Variants in RPAIN observed in about 807,000 individuals in gnomAD.
RPAIN encodes the protein RPA interacting protein, also known as RPA-interacting protein.
A neutral mutation model predicts 30.5 loss-of-function variants in RPAIN; 29 were observed. The observed-to-expected ratio is 0.95, with a 90% CI of 0.71 to 1.30. RPAIN has a LOEUF of 1.30. Ranked by LOEUF, RPAIN falls within the 50% of genes most tolerant of loss-of-function variation. RPAIN has a pLI of 0.00. For missense variants in RPAIN, 247 were observed against 264.7 expected, an observed-to-expected ratio of 0.93 and a Z score of 0.46; for synonymous variants, 101 against 93.5, an observed-to-expected ratio of 1.08 and a Z score of -0.46.
intron 5 of RPAIN, chr17:5,426,639 A>ATT (rs35657465): frequency 0.026 from 3,891 of 148,936 alleles, 69 homozygotes; most frequent in Middle Eastern, 0.041. Context: ...AGCTTCAGTA[A>ATT]TTTTTTTTTT....
At chr17:5,429,527 T>C (rs144549257) in intron 6 of RPAIN, 13,527 of 985,370 alleles carry the variant, frequency 0.014, 99 homozygotes, top group South Asian at 0.017. Context: ...CCCAGGTCTT[T>C]GTGGTTCCAG....
At position 5,432,543 on chromosome 17, in the gene RPAIN, C is replaced by T; in HGVS notation, c.632C>T (p.Ala211Val). ...AATTATTTTCCTGTTTAAACCTAGG[C>T]CTGTGATACTTGGGCTGTGATCCTC... ...EKSSLLMSCL[A>V]CDTWAVIL Residue 211 changes from alanine (A) to valine (V), a missense_variant and splice_region_variant, in exon 7 of 7, where the codon GCC becomes GTC. Transcript: ENST00000381209. 1 of 1,613,590 alleles carries T rather than the reference C, an allele frequency of 6.2e-7. No homozygotes were observed. Among genetic ancestry groups the T allele is most frequent in the Non-Finnish European group, 8.5e-7 (1 of 1,179,516 alleles).
chr17:5,420,263 CG>C lies in RPAIN; in HGVS notation c.54del (p.Pro19ArgfsTer15). On this transcript the variant is annotated frameshift_variant, in exon 1 of 7. Transcript: ENST00000381209. LOFTEE classifies it high-confidence loss of function. ...PRRSLYKLVGSPPWKEAFRQR... is the reference protein window; with the variant it reads ...PRRSLYKLVGXPPWKEAFRQR... ...CGCTCCCTGTACAAACTGGTGGGCT[CG>C]CCGCCTTGGAAAGAGGCTTTCCGGC... 6.2e-7 allele frequency: 1 copy of C among 1,613,590 alleles called. No individual in the cohort carries two copies. Among genetic ancestry groups the C allele is most frequent in the Non-Finnish European group, 8.5e-7 (1 of 1,179,928 alleles).
Position 5,422,775 on chromosome 17 carries a change from G to T in RPAIN, c.259G>T (p.Glu87Ter), listed in dbSNP as rs755295886. 6.2e-7 allele frequency: 1 copy of T among 1,613,282 alleles called. No homozygotes were observed. Among genetic ancestry groups the T allele is most frequent in the South Asian group, 1.1e-5 (1 of 90,996 alleles). ...NCPEDLAQLE[E>*]LIDMAVLEEI... is the part of the protein sequence containing the mutation. ...CCGCTCCTTTCTCTTCCAGCTGGAGGAGCTGATAGACATGGCTGTGCTGGA... is the reference window on the plus strand; with the variant it reads ...CCGCTCCTTTCTCTTCCAGCTGGAGTAGCTGATAGACATGGCTGTGCTGGA... Residue 87 changes from glutamate (E) to a stop codon, truncating the protein, a stop_gained, in exon 3 of 7, where the codon GAG becomes TAG. Coordinates refer to ENST00000381209, the MANE Select transcript of RPAIN (RefSeq NM_001033002.4). LOFTEE classifies it high-confidence loss of function.
At chr17:5,425,339 C>CTCT (rs1915273660) in intron 3 of RPAIN, 3 of 424,838 alleles carry the variant, frequency 7.1e-6, no homozygotes, top group South Asian at 1.7e-5. Context: ...TCAGTTCTCT[C>CTCT]TTTTTTTTTT....
At chr17:5,427,931 G>A (rs1447854183) in intron 5 of RPAIN, 140 bp from the exon 6 acceptor site, 10 of 773,506 alleles carry the variant, frequency 1.3e-5, no homozygotes, top group Non-Finnish European at 2.0e-5. Context: ...GTACAGTCAT[G>A]GGCCCGAGTG....
chr17:5,431,699 G>T (rs188794156), intron 6 of RPAIN: 1 of 453,328 alleles, frequency 2.2e-6, no homozygotes, highest in East Asian at 7.0e-5. Flanking sequence ...GAAAGATAGG[G>T]GTGGGTTACA....
At chr17:5,423,200 C>G (rs1915044568) in intron 3 of RPAIN, 1 of 174,766 alleles carries the variant, frequency 5.7e-6, no homozygotes, top group East Asian at 1.7e-4. Context: ...TTCTACCATC[C>G]TGCCTCTCTA....
chr17:5,420,381 CA>C, intron 1 of RPAIN, 90 bp downstream of exon 1: 1 of 1,133,242 alleles, frequency 8.8e-7, no homozygotes, highest in Non-Finnish European at 1.3e-6. Context: ...CTCCGTGGAG[CA>C]GGTGCCGCAG....
At chr17:5,431,600 T>C (rs748271648) in intron 6 of RPAIN, 1 of 456,560 alleles carries the variant, frequency 2.2e-6, no homozygotes, top group South Asian at 1.5e-5. Flanking sequence ...CCTTTGGTTT[T>C]CACTTAAGGG....
rs1352099335 is a variant in RPAIN at position 5,420,296 on chromosome 17, G to A, written c.81+5G>A. ...TGGAAAGAGGCTTTCCGGCAGGTGG[G>A]TATGGGGTTTGTGCAGTGGTCTACC... On this transcript the variant is annotated splice_donor_5th_base_variant and intron_variant, in intron 1 of 6. Coordinates refer to ENST00000381209, the MANE Select transcript of RPAIN (RefSeq NM_001033002.4). The A allele has an allele frequency of 6.2e-7, 1 of 1,613,168 alleles. No individual in the cohort carries two copies. Among genetic ancestry groups the A allele is most frequent in the Admixed American group, 1.7e-5 (1 of 59,996 alleles).
intron 2 of RPAIN, among the ~76,000 whole-genome samples, chr17:5,422,498 G>A (rs1168648026): frequency 1.3e-5 from 2 of 152,136 alleles, no homozygotes; most frequent in African/African-American, 2.4e-5. Flanking sequence ...ATGTGGTTAC[G>A]TAGCCTTGGA....
At chr17:5,422,089 A>C (rs1914918614) in intron 2 of RPAIN, among the ~76,000 whole-genome samples, 1 of 152,154 alleles carries the variant, frequency 6.6e-6, no homozygotes, top group Non-Finnish European at 1.5e-5. Context: ...TTCTAATCTC[A>C]GCCAACGTTG....
At position 5,429,037 on chromosome 17, in the gene RPAIN, G is replaced by T. The variant is rs1032048301; in HGVS notation, c.630+826G>T. 1.5e-5 allele frequency: 15 copies of T among 981,630 alleles called. No individual in the cohort carries two copies. The African/African-American group carries it at 2.6e-4, about 17-fold the overall frequency. The allele number at this position is 981,630 out of a possible 1,614,324, so 60.8% of individuals were successfully genotyped here. ...CACCTTTATCAAGTTTCTTCCATAG[G>T]TATTCTACTCATTCATTAAAAAAAA... On this transcript the variant is annotated intron_variant, in intron 6 of 6. Transcript: ENST00000381209.
chr17:5,429,054 TAA>T, intron 6 of RPAIN: 1 of 821,688 alleles, frequency 1.2e-6, no homozygotes, highest in Non-Finnish European at 1.5e-6. Flanking sequence ...ACTCATTCAT[TAA>T]AAAAAAAATG....
chr17:5,421,321 G>T lies in RPAIN; in HGVS notation c.107G>T (p.Ser36Ile), dbSNP rs766384976. ...AGATGCCTGGAGAGAATGAGAAACAGCCGGGACAGGCTCCTAAACAGGTAC... is the reference window on the plus strand; with the variant it reads ...AGATGCCTGGAGAGAATGAGAAACATCCGGGACAGGCTCCTAAACAGGTAC... ...RQRCLERMRN[S>I]RDRLLNRYRQ... The change falls in exon 2 of 7, where the codon AGC (serine) becomes ATC (isoleucine). Residue 36 changes from serine (S) to isoleucine (I), a missense_variant. Transcript: ENST00000381209. 35 of 1,613,044 alleles carry T rather than the reference G, an allele frequency of 2.2e-5. No individual in the cohort carries two copies. The highest frequency in any genetic ancestry group is 2.5e-5 in the Non-Finnish European group (29 of 1,179,696).
intron 6 of RPAIN, chr17:5,431,036 C>T (rs1325106716): frequency 5.0e-6 from 1 of 198,136 alleles, no homozygotes; most frequent in African/African-American, 2.4e-5. Context: ...CCGTCAGTGC[C>T]CTGTGGCTCA....
Position 5,426,061 on chromosome 17 carries a change from T to C in RPAIN, c.404T>C (p.Leu135Pro). 6.2e-7 allele frequency: 1 copy of C among 1,612,964 alleles called. No individual in the cohort carries two copies. The highest frequency in any genetic ancestry group is 8.5e-7 in the Non-Finnish European group (1 of 1,179,048). The part of the protein sequence containing the change: ...IMLAEWEANP[L>P]ICPVCTKYNL... ...CTGGCTGAGTGGGAGGCAAACCCAC[T>C]CATCTGTCCTGTATGTACAAAGTAA... Residue 135 changes from leucine (L) to proline (P), a missense_variant, in exon 4 of 7, where the codon CTC (leucine) becomes CCC (proline). By Grantham distance (98) the Leu-to-Pro change is moderately conservative. Coordinates refer to ENST00000381209, the MANE Select transcript of RPAIN (RefSeq NM_001033002.4).
intron 5 of RPAIN, 146 bp from the exon 6 acceptor site, chr17:5,427,925 A>G (rs575002870): frequency 9.4e-6 from 7 of 741,500 alleles, no homozygotes; most frequent in South Asian, 8.2e-5. Flanking sequence ...ATCTTGGTAC[A>G]GTCATGGGCC....
Sources: gnomAD v4.1 joint callset for allele counts (sites outside exome capture counted in the v4.1 genomes callset) on GRCh38, gnomAD v4.1.1 for gene constraint, MANE v1.5 for transcripts, NCBI Gene and HGNC (gene_info 2026-07-23, HGNC 2026-07-21) for gene names.